HOXA1: variants seen among roughly 807,000 people sequenced by gnomAD.
HOXA1 encodes homeobox protein Hox-A1.
A neutral mutation model predicts 28.3 loss-of-function variants in HOXA1; 21 were observed. The ratio of observed to expected loss-of-function variants is 0.74; its 90% CI spans 0.53 to 1.07. The LOEUF (loss-of-function observed/expected upper bound fraction) is 1.07. HOXA1 is among the 50% of genes least tolerant of loss of function. The pLI is 0.00. For synonymous variants in HOXA1, 208 were observed against 181.2 expected (o/e 1.15, Z -1.19); for missense variants, 446 against 434.3 (o/e 1.03, Z -0.24).
chr7:27,095,978 T>G lies in HOXA1; in HGVS notation c.-66A>C, dbSNP rs376159031. 1 of 1,020,276 alleles carries G rather than the reference T, an allele frequency of 9.8e-7. No homozygotes were observed. 63.2% of individuals were successfully genotyped at this position (1,020,276 alleles called of 1,614,324 possible). ...TGTGCCAACTTTCTCACTTCCTCCATGGGGCCGGAGAAGAAAAATGATATG... is the reference window on the plus strand; with the variant it reads ...TGTGCCAACTTTCTCACTTCCTCCAGGGGGCCGGAGAAGAAAAATGATATG... On this transcript the variant is annotated 5_prime_UTR_variant, in exon 1 of 2. An upstream start codon of the reference 5' UTR is lost. Transcript: ENST00000643460.
In HOXA1 at chr7:27,094,100, T is replaced by C; in HGVS notation, c.*340A>G. 3.1e-6 allele frequency: 1 copy of C among 319,918 alleles called. No homozygotes were observed. 19.8% of individuals were successfully genotyped at this position (319,918 alleles called of 1,614,324 possible). On this transcript the variant is annotated 3_prime_UTR_variant, in exon 2 of 2. Transcript: ENST00000643460. ...TATAGTTAGATAAAAGATGAGAAGA[T>C]TCCTTCTGGCATGTTTCTGTTGGCA... is the stretch of plus-strand genomic sequence containing the variant.
rs370583131 is a variant in HOXA1 at position 27,095,691 on chromosome 7, G to A, written c.222C>T (p.His74=). Residue 74 remains histidine, a synonymous_variant, in exon 1 of 2, where the codon CAC becomes CAT. Transcript: ENST00000643460. The part of the protein sequence containing the change: ...PHHHHHHHHR[H]PQPATYQTSG... The stretch of plus-strand genomic sequence containing the variant: ...AAGTCTGGTAGGTAGCCGGCTGGGG[G>A]TGGCGATGGTGGTGGTGGTGGTGGT... 6 of 1,545,266 alleles carry A rather than the reference G, an allele frequency of 3.9e-6. No individual in the cohort carries two copies. Among genetic ancestry groups the A allele is most frequent in the Non-Finnish European group, 5.3e-6 (6 of 1,121,834 alleles).
rs1444296979 is a variant in HOXA1, at chr7:27,093,969, G to A, written c.*471C>T. On this transcript the variant is annotated 3_prime_UTR_variant, in exon 2 of 2. Transcript: ENST00000643460. ...CACATGAAAATGACTTAAATTAAGGGATGAATTAATTGTGTAAACATATAG... is the reference window on the plus strand; with the variant it reads ...CACATGAAAATGACTTAAATTAAGGAATGAATTAATTGTGTAAACATATAG... The A allele has an allele frequency of 6.2e-6, 1 of 160,976 alleles. No homozygotes were observed. The highest frequency in any genetic ancestry group is 1.7e-4 in the East Asian group (1 of 5,736). The allele number at this position is 160,976 out of a possible 1,614,324, so 10.0% of individuals were successfully genotyped here.
At position 27,094,641 on chromosome 7, in the gene HOXA1, G is replaced by C; in HGVS notation, c.807C>G (p.Asn269Lys). ...RVEIAASLQL[N>K]ETQVKIWFQN... Reference sequence around the variant, plus strand: ...GGAACCAGATCTTCACTTGGGTCTCGTTGAGCTGCAGGGATGCAGCGATCT... The same window carrying C: ...GGAACCAGATCTTCACTTGGGTCTCCTTGAGCTGCAGGGATGCAGCGATCT... The change falls in exon 2 of 2, where the codon AAC (asparagine) becomes AAG (lysine). Residue 269 changes from asparagine to lysine, a missense_variant. By Grantham distance (94) the Asn-to-Lys change is moderately conservative (BLOSUM62 0). Coordinates refer to ENST00000643460, the MANE Select transcript of HOXA1 (RefSeq NM_005522.5). The C allele has an allele frequency of 6.2e-7, 1 of 1,614,138 alleles. No homozygotes were observed. The highest frequency in any genetic ancestry group is 2.2e-5 in the East Asian group (1 of 44,870).
In HOXA1 at chr7:27,094,814, C is replaced by T. The variant is rs576079236; in HGVS notation, c.653-19G>A. On this transcript the variant is annotated intron_variant, in intron 1 of 1. Coordinates refer to ENST00000643460, the MANE Select transcript of HOXA1 (RefSeq NM_005522.5). ...ACTTTCCCTGGGGCAAAGTGGGAAG[C>T]CATGAGACGGAAATGTAAAAATTTT... 9 of 1,589,386 alleles carry T rather than the reference C, an allele frequency of 5.7e-6. No homozygotes were observed. In the Admixed American group the frequency reaches 1.5e-4, roughly 27 times the overall value.
In HOXA1 at chr7:27,094,184, T is replaced by G; in HGVS notation, c.*256A>C. The G allele has an allele frequency of 2.0e-6, 1 of 498,592 alleles. No individual in the cohort carries two copies. The highest frequency in any genetic ancestry group is 3.7e-6 in the Non-Finnish European group (1 of 273,758). The allele number at this position is 498,592 out of a possible 1,614,324, so 30.9% of individuals were successfully genotyped here. A position where few individuals can be genotyped will look rare whatever the true frequency, so the allele number is the denominator to read the frequency against. On this transcript the variant is annotated 3_prime_UTR_variant, in exon 2 of 2. Coordinates refer to ENST00000643460, the MANE Select transcript of HOXA1 (RefSeq NM_005522.5). ...GAACAGTAGGTTCTGTGAATTCTCC[T>G]AAAAGCAGGAGGGATGTTAAGGCCC... is the stretch of plus-strand genomic sequence containing the variant.
intron 1 of HOXA1, 22 bp from the exon 2 acceptor site, chr7:27,094,817 T>A (rs1322970383): frequency 1.3e-6 from 2 of 1,587,406 alleles, no homozygotes; most frequent in East Asian, 2.2e-5. Context: ...TGGGAAGCCA[T>A]GAGACGGAAA....
chr7:27,095,464 G>A lies in HOXA1; in HGVS notation c.449C>T (p.Ala150Val). The A allele has an allele frequency of 6.2e-7, 1 of 1,614,154 alleles. No homozygotes were observed. The highest frequency in any genetic ancestry group is 2.2e-5 in the East Asian group (1 of 44,886). ...TTGAGGCGAGCCCACCGCGCCCCCA[G>A]CATAACCCTGGTGGTGGTGGTGATG... is the stretch of plus-strand genomic sequence containing the variant. ...VQHHHHHQGYAGGAVGSPQYI... is the reference protein window; with the variant it reads ...VQHHHHHQGYVGGAVGSPQYI... Residue 150 changes from alanine to valine, a missense_variant, in exon 1 of 2, where the codon GCT becomes GTT. Coordinates refer to ENST00000643460, the MANE Select transcript of HOXA1 (RefSeq NM_005522.5).
Position 27,094,749 on chromosome 7 carries a change from G to A in HOXA1, c.699C>T (p.Arg233=). The change falls in exon 2 of 2, where the codon CGC becomes CGT. Residue 233 remains arginine (R), a synonymous_variant. Transcript: ENST00000643460. ...YGYLGQPNAV[R]TNFTTKQLTE... ...TGAGCTGCTTGGTAGTGAAGTTGGT[G>A]CGCACCGCGTTGGGTTGACCCAGGT... is the stretch of plus-strand genomic sequence containing the variant. 1 of 1,614,126 alleles carries A rather than the reference G, an allele frequency of 6.2e-7. No individual in the cohort carries two copies. The highest frequency in any genetic ancestry group is 8.5e-7 in the Non-Finnish European group (1 of 1,180,040).
intron 1 of HOXA1, 81 bp downstream of exon 1, chr7:27,095,177 GATC>G (rs1783789475): frequency 6.2e-6 from 9 of 1,442,730 alleles, no homozygotes; most frequent in Non-Finnish European, 8.7e-6. Flanking sequence ...TTAAAAAAAA[GATC>G]ATTATTAATT....
chr7:27,095,561 C>A lies in HOXA1; in HGVS notation c.352G>T (p.Asp118Tyr), dbSNP rs777714750. The change falls in exon 1 of 2, where the codon GAC becomes TAC. Residue 118 changes from aspartate (D) to tyrosine (Y), a missense_variant. Asp to Tyr is a radical substitution (Grantham distance 160). Transcript: ENST00000643460. ...YSPYALNQEA[D>Y]VSGGYPQCAP... The stretch of plus-strand genomic sequence containing the variant: ...CACTGGGGGTACCCACCACTTACGT[C>A]TGCTTCCTGATTTAACGCGTAGGGG... The A allele has an allele frequency of 6.2e-7, 1 of 1,614,182 alleles. No individual in the cohort carries two copies. Among genetic ancestry groups the A allele is most frequent in the East Asian group, 2.2e-5 (1 of 44,878 alleles).
rs1562699067 is a variant in HOXA1, at chr7:27,094,609, C to T, written c.839G>A (p.Arg280His). 6.2e-7 allele frequency: 1 copy of T among 1,614,174 alleles called. No individual in the cohort carries two copies. The highest frequency in any genetic ancestry group is 8.5e-7 in the Non-Finnish European group (1 of 1,180,036). Residue 280 changes from arginine (R) to histidine (H), a missense_variant, in exon 2 of 2, where the codon CGC becomes CAC. Coordinates refer to ENST00000643460, the MANE Select transcript of HOXA1 (RefSeq NM_005522.5). ...ETQVKIWFQN[R>H]RMKQKKREKE... ...CTCACGTTTCTTTTGCTTCATTCGG[C>T]GGTTCTGGAACCAGATCTTCACTTG...
rs771305944 is a variant in HOXA1 at position 27,095,715 on chromosome 7, G to A, written c.198C>T (p.His66=). The A allele has an allele frequency of 1.9e-5, 30 of 1,612,182 alleles. No homozygotes were observed. Among genetic ancestry groups the A allele is most frequent in the South Asian group, 9.9e-5 (9 of 90,566 alleles). Residue 66 remains histidine (H), a synonymous_variant, in exon 1 of 2, where the codon CAC becomes CAT. Coordinates refer to ENST00000643460, the MANE Select transcript of HOXA1 (RefSeq NM_005522.5). ...GRGVQIGSPH[H]HHHHHHRHPQ... is the part of the protein sequence containing the mutation. Reference sequence around the variant, plus strand: ...GGTGGCGATGGTGGTGGTGGTGGTGGTGGTGGGGCGAACCGATCTGCACCC... The same window carrying A: ...GGTGGCGATGGTGGTGGTGGTGGTGATGGTGGGGCGAACCGATCTGCACCC...
chr7:27,095,382 A>AT lies in HOXA1; in HGVS notation c.530dup (p.Asn177LysfsTer2). ...TGGCGTGGAGAGGGGACAAGGAGTT[A>AT]TTATACGTAGCCAGGGCCAGGCTCT... On this transcript the variant is annotated frameshift_variant, in exon 1 of 2. Coordinates refer to ENST00000643460, the MANE Select transcript of HOXA1 (RefSeq NM_005522.5). LOFTEE classifies it high-confidence loss of function. The AT allele has an allele frequency of 5.0e-6, 8 of 1,613,986 alleles. No individual in the cohort carries two copies. The highest frequency in any genetic ancestry group is 5.9e-6 in the Non-Finnish European group (7 of 1,179,928).
intron 1 of HOXA1, 144 bp from the exon 2 acceptor site, chr7:27,094,939 G>A (rs1429095606): frequency 7.2e-6 from 5 of 694,650 alleles, no homozygotes; most frequent in Non-Finnish European, 1.2e-5. Flanking sequence ...TGAGTGATGA[G>A]GTGTAAAGTG....
chr7:27,095,697 ATGG>A lies in HOXA1; in HGVS notation c.213_215del (p.His72del), dbSNP rs747464910. The A allele has an allele frequency of 1.1e-3, 1,056 of 943,574 alleles. 2 individuals are homozygous for A. The highest frequency in any genetic ancestry group is 2.7e-3 in the Admixed American group (81 of 30,410). 58.5% of individuals were successfully genotyped at this position (943,574 alleles called of 1,614,324 possible). ...GGTAGGTAGCCGGCTGGGGGTGGCG[ATGG>A]TGGTGGTGGTGGTGGTGGTGGGGCG... On this transcript the variant is annotated inframe_deletion, in exon 1 of 2. Transcript: ENST00000643460.
Position 27,095,707 on chromosome 7 carries a change from T to C in HOXA1, c.206A>G (p.His69Arg). Reference sequence around the variant, plus strand: ...CGGCTGGGGGTGGCGATGGTGGTGGTGGTGGTGGTGGTGGGGCGAACCGAT... The same window carrying C: ...CGGCTGGGGGTGGCGATGGTGGTGGCGGTGGTGGTGGTGGGGCGAACCGAT... ...VQIGSPHHHHHHHHRHPQPAT... is the reference protein window; with the variant it reads ...VQIGSPHHHHRHHHRHPQPAT... Residue 69 changes from histidine (H) to arginine (R), a missense_variant, in exon 1 of 2, where the codon CAC (histidine) becomes CGC (arginine). Physicochemically the swap from His to Arg is conservative, Grantham distance 29. Coordinates refer to ENST00000643460, the MANE Select transcript of HOXA1 (RefSeq NM_005522.5). 6.2e-7 allele frequency: 1 copy of C among 1,611,610 alleles called. No homozygotes were observed. The highest frequency in any genetic ancestry group is 8.5e-7 in the Non-Finnish European group (1 of 1,179,146).
Position 27,093,513 on chromosome 7 carries a change from AAC to A in HOXA1, c.*925_*926del, listed in dbSNP as rs1370717035. The A allele has an allele frequency of 6.5e-6, 1 of 152,694 alleles. No individual in the cohort carries two copies. Among genetic ancestry groups the A allele is most frequent in the Non-Finnish European group, 1.5e-5 (1 of 68,042 alleles). 9.5% of individuals were successfully genotyped at this position (152,694 alleles called of 1,614,324 possible). On this transcript the variant is annotated 3_prime_UTR_variant, in exon 2 of 2. Transcript: ENST00000643460. ...GACATGCAAAAGACTATTCACGAAT[AAC>A]ACAAAATATACATTCATTGTGCCAT...
rs1239206030 is a variant in HOXA1, at chr7:27,095,595, C to T, written c.318G>A (p.Ala106=). 4.3e-6 allele frequency: 7 copies of T among 1,613,970 alleles called. No homozygotes were observed. The highest frequency in any genetic ancestry group is 1.6e-4 in the Middle Eastern group (1 of 6,084). ...GATTTAACGCGTAGGGGCTGTAAGG[C>T]GCACTGAAGTTCTGTGAGCCATAGC... ...GPSYGSQNFS[A]PYSPYALNQE... Residue 106 remains alanine, a synonymous_variant, in exon 1 of 2, where the codon GCG becomes GCA. Transcript: ENST00000643460.
Sources: gnomAD v4.1 joint callset for allele counts on GRCh38, gnomAD v4.1.1 for gene constraint, MANE v1.5 for transcripts, NCBI Gene and HGNC (gene_info 2026-07-23, HGNC 2026-07-21) for gene names.